The following MGAT4C variants were observed in gnomAD, a reference collection of about 807,000 sequenced individuals.
The protein encoded by MGAT4C is MGAT4 family member C.
MGAT4C carries 19 observed loss-of-function variants against 40.1 expected under a neutral mutation model. The observed-to-expected ratio is 0.47, with a 90% CI of 0.33 to 0.70. The LOEUF (loss-of-function observed/expected upper bound fraction) is 0.70. MGAT4C is among the 30% of genes least tolerant of loss of function. MGAT4C has a pLI of 0.02. For missense variants in MGAT4C, 491 were observed against 563.2 expected (o/e 0.87, Z 1.30); for synonymous variants, 181 against 187.1 (o/e 0.97, Z 0.27).
At chr12:86,773,548 C>T (rs902010510) in intron 1 of MGAT4C, among the ~76,000 whole-genome samples, 2 of 152,124 alleles carry the variant, frequency 1.3e-5, no homozygotes, top group Non-Finnish European at 2.9e-5. Flanking sequence ...TTAATATTTT[C>T]CTACTGAGGA....
rs375871684 is a variant in MGAT4C, at chr12:86,331,482, C to A, written c.-57+2583G>T. On this transcript the variant is annotated intron_variant, in intron 4 of 7. Transcript: ENST00000548651. ...AGGAAGGTCATATACCAGTTAAACT[C>A]TACCATTCTGCCTCTTAGTGTGCAT... 8.5e-5 allele frequency among the ~76,000 whole-genome samples: 13 copies of A among 152,292 alleles called. 1 individual carries two copies. The East Asian group carries it at 1.9e-3, about 23-fold the overall frequency.
intron 2 of MGAT4C, among the ~76,000 whole-genome samples, chr12:86,542,754 G>C (rs373991074): frequency 6.6e-6 from 1 of 152,130 alleles, no homozygotes; most frequent in African/African-American, 2.4e-5. Context: ...TGTCATGTCT[G>C]TATCAGTTTT....
At chr12:86,505,907 G>T (rs1322678822) in intron 2 of MGAT4C, among the ~76,000 whole-genome samples, 1 of 152,010 alleles carries the variant, frequency 6.6e-6, no homozygotes, top group Non-Finnish European at 1.5e-5. Context: ...AATAAATCTA[G>T]ATTTTAAACA....
chr12:85,965,190 T>C lies in MGAT4C; in HGVS notation c.*14099A>G, dbSNP rs1483505716. The C allele has an allele frequency of 6.6e-6, 1 of 152,228 alleles. No individual in the cohort carries two copies. The highest frequency in any genetic ancestry group is 1.5e-5 in the Non-Finnish European group (1 of 68,034). The allele number at this position is 152,228 out of a possible 1,614,324, so 9.4% of individuals were successfully genotyped here. A position where few individuals can be genotyped will look rare whatever the true frequency, so the allele number is the denominator to read the frequency against. On this transcript the variant is annotated 3_prime_UTR_variant, in exon 5 of 5. Transcript: ENST00000611864. ...AACGTGCAGGTTTGTTACATATGTA[T>C]ACATGTGCCATGTTGGTGTTCTGCA... is the stretch of plus-strand genomic sequence containing the variant.
At chr12:86,408,448 A>ACTCTCTCTCTGTCTCTCTCTCT (rs1956520519) in intron 3 of MGAT4C, among the ~76,000 whole-genome samples, 1 of 29,362 alleles carries the variant, frequency 3.4e-5, no homozygotes, top group African/African-American at 1.4e-4. Context: ...TACATAGTAA[A>ACTCTCTCTCTGTCTCTCTCTCT]CTCTCTCTCT....
Position 85,966,601 on chromosome 12 carries a change from T to C in MGAT4C, c.*12688A>G, listed in dbSNP as rs1883379005. On this transcript the variant is annotated 3_prime_UTR_variant, in exon 5 of 5. Coordinates refer to ENST00000611864, the MANE Select transcript of MGAT4C (RefSeq NM_001351288.2). ...GCTTCTATAAAGACACATGCACACG[T>C]ATGTTTATTGCGGCACTATTCACAA... 6.6e-6 allele frequency: 1 copy of C among 152,168 alleles called. No homozygotes were observed. Among genetic ancestry groups the C allele is most frequent in the African/African-American group, 2.4e-5 (1 of 41,438 alleles). The allele number at this position is 152,168 out of a possible 1,614,324, so 9.4% of individuals were successfully genotyped here.
At chr12:86,303,219 T>A (rs1379490659) in intron 4 of MGAT4C, among the ~76,000 whole-genome samples, 1 of 150,740 alleles carries the variant, frequency 6.6e-6, no homozygotes, top group East Asian at 1.9e-4. Context: ...CCTATTCTTT[T>A]AAGGTGAATT....
At chr12:86,281,460 G>A (rs1331028343) in intron 4 of MGAT4C, among the ~76,000 whole-genome samples, 1 of 151,138 alleles carries the variant, frequency 6.6e-6, no homozygotes, top group Non-Finnish European at 1.5e-5. Flanking sequence ...CTCTGTATAT[G>A]TATCTTCAAA....
At chr12:86,496,995 C>G (rs1958247872) in intron 2 of MGAT4C, among the ~76,000 whole-genome samples, 1 of 151,992 alleles carries the variant, frequency 6.6e-6, no homozygotes, top group South Asian at 2.1e-4. Flanking sequence ...TTTATCACCT[C>G]TATTTACAGT....
rs1884099606 is a variant in MGAT4C at position 85,977,732 on chromosome 12, A to G, written c.*1557T>C. The G allele has an allele frequency of 6.8e-6, 1 of 147,544 alleles. No homozygotes were observed. Among genetic ancestry groups the G allele is most frequent in the Non-Finnish European group, 1.5e-5 (1 of 65,350 alleles). The allele number at this position is 147,544 out of a possible 1,614,324, so 9.1% of individuals were successfully genotyped here. Reference sequence around the variant, plus strand: ...GGATTGTGTTTCAGTATGAAAAGGAAGAGCAGGAAGATTTCCTCATTCTGT... The same window carrying G: ...GGATTGTGTTTCAGTATGAAAAGGAGGAGCAGGAAGATTTCCTCATTCTGT... On this transcript the variant is annotated 3_prime_UTR_variant, in exon 5 of 5. Coordinates refer to ENST00000611864, the MANE Select transcript of MGAT4C (RefSeq NM_001351288.2).
At chr12:86,171,215 C>A (rs940197146) in intron 1 of MGAT4C, among the ~76,000 whole-genome samples, 2 of 151,920 alleles carry the variant, frequency 1.3e-5, no homozygotes, top group Non-Finnish European at 2.9e-5. Flanking sequence ...ACTAAAAATA[C>A]AAAATAAGCT....
At chr12:86,074,118 G>A (rs1869167463) in intron 1 of MGAT4C, among the ~76,000 whole-genome samples, 1 of 151,922 alleles carries the variant, frequency 6.6e-6, no homozygotes, top group Admixed American at 6.6e-5. Flanking sequence ...TTTATCAGGG[G>A]TTTCCGCTTT....
intron 1 of MGAT4C, among the ~76,000 whole-genome samples, chr12:86,253,366 A>G (rs953738680): frequency 6.6e-6 from 1 of 151,772 alleles, no homozygotes; most frequent in African/African-American, 2.4e-5. Context: ...GAAAGAAAGA[A>G]AGAGAAATTG....
chr12:86,721,803 G>T (rs1009056889), intron 2 of MGAT4C, among the ~76,000 whole-genome samples: 8 of 152,090 alleles, frequency 5.3e-5, no homozygotes, highest in African/African-American at 1.7e-4. Context: ...TCCAAGCTGG[G>T]TCCCTGATTG....
intron 2 of MGAT4C, among the ~76,000 whole-genome samples, chr12:86,555,038 T>A (rs1330787879): frequency 1.3e-5 from 2 of 152,008 alleles, no homozygotes; most frequent in African/African-American, 4.8e-5. Context: ...CTCTGACCTG[T>A]ACTTAGATAG....
At chr12:86,699,545 T>C (rs558310795) in intron 2 of MGAT4C, among the ~76,000 whole-genome samples, 2 of 152,100 alleles carry the variant, frequency 1.3e-5, no homozygotes, top group Admixed American at 6.6e-5. Flanking sequence ...GCGCATGAGA[T>C]TGACCCTTGA....
chr12:86,260,509 C>A (rs1566238365), upstream of MGAT4C, among the ~76,000 whole-genome samples: 1 of 152,050 alleles, frequency 6.6e-6, no homozygotes, highest in Non-Finnish European at 1.5e-5. Flanking sequence ...TTACAATGTG[C>A]CAATTTCCTA....
At chr12:86,710,312 G>C (rs1023297923) in intron 2 of MGAT4C, among the ~76,000 whole-genome samples, 1 of 152,094 alleles carries the variant, frequency 6.6e-6, no homozygotes, top group Non-Finnish European at 1.5e-5. Context: ...AACCTTTCTA[G>C]TAAGCAATTT....
At chr12:86,061,500 T>G (rs1008967235) in intron 1 of MGAT4C, among the ~76,000 whole-genome samples, 2 of 150,434 alleles carry the variant, frequency 1.3e-5, no homozygotes, top group African/African-American at 4.9e-5. Flanking sequence ...GCCCCAGTGG[T>G]GCCTGCAACG....
Sources: allele counts gnomAD v4.1 joint callset (sites outside exome capture counted in the v4.1 genomes callset), GRCh38; gene constraint gnomAD v4.1.1; transcripts MANE v1.5; gene names NCBI Gene and HGNC (gene_info 2026-07-23, HGNC 2026-07-21).